TM4SF1: variants seen among roughly 807,000 people sequenced by gnomAD.
TM4SF1 encodes the protein transmembrane 4 L six family member 1, also known as transmembrane 4 L6 family member 1.
In TM4SF1, 20 loss-of-function variants were observed where a neutral mutation model predicts 24.5. The ratio of observed to expected loss-of-function variants is 0.82; its 90% CI spans 0.57 to 1.19. The LOEUF (loss-of-function observed/expected upper bound fraction) is 1.19. Ranked by LOEUF, TM4SF1 falls within the 50% of genes most tolerant of loss-of-function variation. The probability of loss-of-function intolerance (pLI) is 0.00; values close to 1 mark genes in which losing one functional copy is unlikely to be tolerated. For synonymous variants in TM4SF1, 107 were observed against 95.4 expected, an observed-to-expected ratio of 1.12 and a Z score of -0.71; for missense variants, 258 against 248.1, an observed-to-expected ratio of 1.04 and a Z score of -0.27.
chr3:149,377,629 G>A lies in TM4SF1; in HGVS notation c.-82C>T, dbSNP rs1731994059. The A allele has an allele frequency of 6.5e-7, 1 of 1,529,436 alleles. No individual in the cohort carries two copies. Among genetic ancestry groups the A allele is most frequent in the Admixed American group, 2.0e-5 (1 of 49,546 alleles). 94.7% of individuals were successfully genotyped at this position (1,529,436 alleles called of 1,614,324 possible). Reference sequence around the variant, plus strand: ...AATTAGATGAAAGTGTGCCCTTCTGGTGGAGAAAGCAAACACCACTCTCAG... The same window carrying A: ...AATTAGATGAAAGTGTGCCCTTCTGATGGAGAAAGCAAACACCACTCTCAG... On this transcript the variant is annotated 5_prime_UTR_variant, in exon 1 of 5. Transcript: ENST00000305366.
chr3:149,373,646 T>A (rs1731883921), intron 3 of TM4SF1, among the ~76,000 whole-genome samples: 1 of 152,194 alleles, frequency 6.6e-6, no homozygotes, highest in Non-Finnish European at 1.5e-5. Flanking sequence ...CAGGTCTCAA[T>A]GTAAAAAAAA....
At chr3:149,369,915 C>T in intron 4 of TM4SF1, 35 bp from the exon 5 acceptor site, 1 of 1,592,720 alleles carries the variant, frequency 6.3e-7, no homozygotes, top group Non-Finnish European at 8.5e-7. Context: ...AGGCTATAAT[C>T]AGGATAAATA....
chr3:149,374,849 G>A (rs1198776906), intron 3 of TM4SF1, among the ~76,000 whole-genome samples: 1 of 152,158 alleles, frequency 6.6e-6, no homozygotes, highest in African/African-American at 2.4e-5. Flanking sequence ...GTAGTAAAAT[G>A]TATTACACTT....
At chr3:149,376,498 G>A (rs1053862105) in intron 1 of TM4SF1, among the ~76,000 whole-genome samples, 8 of 151,942 alleles carry the variant, frequency 5.3e-5, no homozygotes, top group Non-Finnish European at 8.8e-5. Context: ...GCGAAACCCC[G>A]TCTCATTAAA....
chr3:149,373,861 T>C (rs1288935791), intron 3 of TM4SF1, among the ~76,000 whole-genome samples: 1 of 152,216 alleles, frequency 6.6e-6, no homozygotes, highest in Non-Finnish European at 1.5e-5. Context: ...CACCTCTCCC[T>C]GCATTCTGGT....
At chr3:149,369,977 C>T in intron 4 of TM4SF1, 97 bp from the exon 5 acceptor site, 1 of 1,433,244 alleles carries the variant, frequency 7.0e-7, no homozygotes, top group Non-Finnish European at 9.5e-7. Flanking sequence ...CATAAACAGA[C>T]TGATCTTAGC....
chr3:149,372,467 A>G lies in TM4SF1; in HGVS notation c.414-600T>C, dbSNP rs1731848001. 2.6e-5 allele frequency among the ~76,000 whole-genome samples: 4 copies of G among 152,174 alleles called. No homozygotes were observed. The South Asian group carries it at 8.3e-4, about 32-fold the overall frequency. On this transcript the variant is annotated intron_variant, in intron 3 of 4. Transcript: ENST00000305366. The stretch of plus-strand genomic sequence containing the variant: ...TCATTTTATTACATCTCAATTTGTT[A>G]CTGCTGAAAATTATCCAAATTCTGG...
chr3:149,376,956 A>T (rs1400525374), intron 1 of TM4SF1, among the ~76,000 whole-genome samples: 2 of 152,222 alleles, frequency 1.3e-5, no homozygotes, highest in Non-Finnish European at 2.9e-5. Flanking sequence ...CCTATCACAG[A>T]TGGCTGAAAA....
At chr3:149,374,631 T>G (rs1423522225) in intron 3 of TM4SF1, among the ~76,000 whole-genome samples, 7 of 152,200 alleles carry the variant, frequency 4.6e-5, no homozygotes, top group Admixed American at 1.3e-4. Context: ...ATATTATGAT[T>G]GTGAATAGGC....
chr3:149,375,337 G>GTGGGTGGATGGATGGA, intron 3 of TM4SF1, 106 bp downstream of exon 3: 1 of 1,414,038 alleles, frequency 7.1e-7, no homozygotes, highest in Non-Finnish European at 9.7e-7. Context: ...CACTGGCTAG[G>GTGGGTGGATGGATGGA]TGGGTGGATG....
chr3:149,369,576 T>A lies in TM4SF1; in HGVS notation c.*290A>T. The A allele has an allele frequency of 3.1e-6, 1 of 321,366 alleles. No individual in the cohort carries two copies. Among genetic ancestry groups the A allele is most frequent in the Non-Finnish European group, 5.6e-6 (1 of 177,036 alleles). The allele number at this position is 321,366 out of a possible 1,614,324, so 19.9% of individuals were successfully genotyped here. A position where few individuals can be genotyped will look rare whatever the true frequency, so the allele number is the denominator to read the frequency against. On this transcript the variant is annotated 3_prime_UTR_variant, in exon 5 of 5. Transcript: ENST00000305366. ...TATTTTTATCCAAAACATTATAGAG[T>A]TTATCTCAGATATACTGAGTACTGT... is the stretch of plus-strand genomic sequence containing the variant.
At position 149,377,354 on chromosome 3, in the gene TM4SF1, A is replaced by G. The variant is rs748058508; in HGVS notation, c.177+17T>C. 1 of 1,608,562 alleles carries G rather than the reference A, an allele frequency of 6.2e-7. No homozygotes were observed. Among genetic ancestry groups the G allele is most frequent in the East Asian group, 2.2e-5 (1 of 44,816 alleles). On this transcript the variant is annotated intron_variant, in intron 1 of 4. Coordinates refer to ENST00000305366, the MANE Select transcript of TM4SF1 (RefSeq NM_014220.3). ...AGGAAACAGGAGAGAATTCAGTAATAATCCTGAATGACTTACCAGCAGGCC... is the reference window on the plus strand; with the variant it reads ...AGGAAACAGGAGAGAATTCAGTAATGATCCTGAATGACTTACCAGCAGGCC...
intron 4 of TM4SF1, chr3:149,371,420 C>A: frequency 1.7e-6 from 1 of 575,904 alleles, no homozygotes. Flanking sequence ...TGAATTAGAT[C>A]CTGAAGGGAG....
At position 149,369,724 on chromosome 3, in the gene TM4SF1, T is replaced by C. The variant is rs1338589651; in HGVS notation, c.*142A>G. The C allele has an allele frequency of 3.2e-6, 3 of 928,898 alleles. No homozygotes were observed. In the Admixed American group the frequency reaches 8.1e-5, roughly 25 times the overall value. The allele number at this position is 928,898 out of a possible 1,614,324, so 57.5% of individuals were successfully genotyped here. A position where few individuals can be genotyped will look rare whatever the true frequency, so the allele number is the denominator to read the frequency against. On this transcript the variant is annotated 3_prime_UTR_variant, in exon 5 of 5. Transcript: ENST00000305366. ...TTTAAACACTGACATCCTGTGAAGA[T>C]GCCAGTCTTTACAGGCGTTTGTAAA...
intron 3 of TM4SF1, among the ~76,000 whole-genome samples, chr3:149,372,688 A>G (rs931177246): frequency 1.3e-5 from 2 of 152,170 alleles, no homozygotes; most frequent in Admixed American, 6.5e-5. Flanking sequence ...CAATGGCGCA[A>G]TCTTGGCTCA....
At chr3:149,377,337 G>A (rs1731978981) in intron 1 of TM4SF1, 34 bp downstream of exon 1, 1 of 1,587,662 alleles carries the variant, frequency 6.3e-7, no homozygotes, top group Admixed American at 1.8e-5. Flanking sequence ...CTAGGAAACA[G>A]GAGAGAATTC....
chr3:149,375,730 C>G lies in TM4SF1; in HGVS notation c.217G>C (p.Asp73His). The G allele has an allele frequency of 6.2e-7, 1 of 1,614,196 alleles. No homozygotes were observed. Residue 73 changes from aspartate (D) to histidine (H), a missense_variant, in exon 2 of 5, where the codon GAT (aspartate) becomes CAT (histidine). Physicochemically the swap from Asp to His is moderately conservative, Grantham distance 81. Coordinates refer to ENST00000305366, the MANE Select transcript of TM4SF1 (RefSeq NM_014220.3). ...TGGCCACAGCAGCCACAGCAGTCAT[C>G]CTGTTCCAGCCCAATGAAGACAAAT... ...PAFVFIGLEQ[D>H]DCCGCCGHEN...
intron 1 of TM4SF1, 29 bp from the exon 2 acceptor site, chr3:149,375,798 A>G: frequency 6.2e-7 from 1 of 1,611,052 alleles, no homozygotes; most frequent in African/African-American, 1.3e-5. Flanking sequence ...AAGTCAGGTC[A>G]TTGTCTTGCT....
chr3:149,371,661 TACG>T, intron 4 of TM4SF1, 23 bp downstream of exon 4: 2 of 1,613,962 alleles, frequency 1.2e-6, no homozygotes, highest in South Asian at 1.1e-5. Context: ...AGGGCCAGAC[TACG>T]ACATTTTCAT....
Sources: gnomAD v4.1 joint callset for allele counts (sites outside exome capture counted in the v4.1 genomes callset) on GRCh38, gnomAD v4.1.1 for gene constraint, MANE v1.5 for transcripts, NCBI Gene and HGNC (gene_info 2026-07-23, HGNC 2026-07-21) for gene names.